The following TMEM178B variants were observed in gnomAD, a reference collection of about 807,000 sequenced individuals.
The protein encoded by TMEM178B is transmembrane protein 178B.
TMEM178B carries 5 observed loss-of-function variants against 31.0 expected under a neutral mutation model. The ratio of observed to expected loss-of-function variants is 0.16; its 90% CI spans 0.08 to 0.34. TMEM178B has a LOEUF of 0.34. TMEM178B is among the 10% of genes least tolerant of loss of function. The pLI, the probability that TMEM178B is intolerant of heterozygous loss-of-function variation, is 1.00. For synonymous variants in TMEM178B, 164 were observed against 164.0 expected, an observed-to-expected ratio of 1.00 and a Z score of 0.00; for missense variants, 275 against 400.3, an observed-to-expected ratio of 0.69 and a Z score of 2.67.
intron 1 of TMEM178B, among the ~76,000 whole-genome samples, chr7:141,089,347 A>G (rs1410082637): frequency 1.3e-5 from 2 of 152,196 alleles, no homozygotes; most frequent in Non-Finnish European, 2.9e-5. Context: ...AGGCTTCCAG[A>G]CAAAGGAAGA....
At chr7:141,480,535 G>T (rs1210024746), downstream of TMEM178B, among the ~76,000 whole-genome samples, 2 of 152,200 alleles carry the variant, frequency 1.3e-5, no homozygotes, top group African/African-American at 4.8e-5. Context: ...GAAGAAAATA[G>T]ATAGCAAACA....
intron 1 of TMEM178B, among the ~76,000 whole-genome samples, chr7:141,142,407 C>A (rs1244010785): frequency 6.9e-6 from 1 of 144,650 alleles, no homozygotes; most frequent in Non-Finnish European, 1.5e-5. Flanking sequence ...TTTTTCTTTT[C>A]TTTCTTTTTT....
At chr7:141,447,307 G>A (rs1055739047) in intron 3 of TMEM178B, among the ~76,000 whole-genome samples, 4 of 152,076 alleles carry the variant, frequency 2.6e-5, no homozygotes, top group Admixed American at 1.3e-4. Flanking sequence ...TTTGAACAGG[G>A]CTTGAATGTA....
chr7:141,343,181 C>T (rs1377151460), intron 2 of TMEM178B, among the ~76,000 whole-genome samples: 1 of 152,208 alleles, frequency 6.6e-6, no homozygotes, highest in African/African-American at 2.4e-5. Context: ...CATCTCTGGA[C>T]CGTGTAGGTC....
intron 2 of TMEM178B, among the ~76,000 whole-genome samples, chr7:141,229,103 GT>G (rs1473849248): frequency 7.8e-6 from 1 of 128,470 alleles, no homozygotes; most frequent in South Asian, 2.7e-4. Context: ...TGTGTGTGGT[GT>G]GTGTGTGTGT....
chr7:141,373,257 G>A (rs1237256384), intron 2 of TMEM178B, among the ~76,000 whole-genome samples: 4 of 152,210 alleles, frequency 2.6e-5, no homozygotes, highest in Admixed American at 2.0e-4. Flanking sequence ...AGAGGCCAGA[G>A]CAAATGGTGA....
intron 1 of TMEM178B, among the ~76,000 whole-genome samples, chr7:141,089,891 G>A (rs1344692741): frequency 6.6e-6 from 1 of 151,994 alleles, no homozygotes; most frequent in Non-Finnish European, 1.5e-5. Flanking sequence ...GATAGCATTA[G>A]GAGATATACC....
chr7:141,384,002 T>C (rs1240181798), intron 2 of TMEM178B, among the ~76,000 whole-genome samples: 4 of 152,248 alleles, frequency 2.6e-5, no homozygotes, highest in Non-Finnish European at 4.4e-5. Context: ...GTCTGTTGGC[T>C]GCATAAATGT....
intron 2 of TMEM178B, among the ~76,000 whole-genome samples, chr7:141,331,270 A>G (rs991475956): frequency 2.0e-5 from 3 of 152,348 alleles, no homozygotes; most frequent in East Asian, 3.9e-4. Context: ...AAATGTAAGT[A>G]GAAAAGAAAA....
chr7:141,395,357 C>T (rs1800619142), intron 2 of TMEM178B, among the ~76,000 whole-genome samples: 1 of 152,220 alleles, frequency 6.6e-6, no homozygotes, highest in Admixed American at 6.5e-5. Flanking sequence ...AGGAAGACCA[C>T]TTGAGCCCAG....
intron 2 of TMEM178B, among the ~76,000 whole-genome samples, chr7:141,222,387 T>C (rs1192317222): frequency 6.6e-6 from 1 of 152,234 alleles, no homozygotes; most frequent in Non-Finnish European, 1.5e-5. Context: ...GTTCCACCTC[T>C]GCCACTGTCT....
chr7:141,149,136 C>T (rs1795911042), intron 1 of TMEM178B, among the ~76,000 whole-genome samples: 1 of 152,100 alleles, frequency 6.6e-6, no homozygotes, highest in South Asian at 2.1e-4. Flanking sequence ...AACAGGGAGA[C>T]TAGTAAAAGA....
chr7:141,159,957 A>T (rs1586801760), intron 1 of TMEM178B, among the ~76,000 whole-genome samples: 1 of 150,224 alleles, frequency 6.7e-6, no homozygotes, highest in African/African-American at 2.4e-5. Flanking sequence ...TTTTAAAAAA[A>T]TTGTTCAATA....
At chr7:141,227,353 T>C (rs920282823) in intron 2 of TMEM178B, among the ~76,000 whole-genome samples, 13 of 152,222 alleles carry the variant, frequency 8.5e-5, no homozygotes, top group African/African-American at 3.1e-4. Flanking sequence ...AGGCATTAGA[T>C]GGAAGAGCAG....
chr7:141,245,170 C>CAAAAAAAAAA lies in TMEM178B; in HGVS notation c.496+32497_496+32506dup, dbSNP rs59281560. On this transcript the variant is annotated intron_variant, in intron 2 of 3. Transcript: ENST00000565468. ...GGGTGACAGAGCAAGACTCCATCAC[C>CAAAAAAAAAA]AAAAAAAAAAAAAAAAAAAAAAAAA... Among the ~76,000 whole-genome samples, 15 of 23,110 alleles carry CAAAAAAAAAA rather than the reference C, an allele frequency of 6.5e-4. 4 individuals carry two copies. The highest frequency in any genetic ancestry group is 1.3e-3 in the African/African-American group (8 of 6,124). 15.2% of individuals were successfully genotyped at this position (23,110 alleles called of 152,430 possible).
At chr7:141,219,623 G>T (rs985930536) in intron 2 of TMEM178B, among the ~76,000 whole-genome samples, 3 of 152,012 alleles carry the variant, frequency 2.0e-5, no homozygotes, top group Non-Finnish European at 4.4e-5. Flanking sequence ...TTGTGTCTCT[G>T]CCCCAACCCG....
intron 1 of TMEM178B, among the ~76,000 whole-genome samples, chr7:141,154,248 C>T (rs916421293): frequency 1.3e-5 from 2 of 152,264 alleles, no homozygotes; most frequent in African/African-American, 2.4e-5. Context: ...GCCAGAATGG[C>T]TTTCTGCCTA....
chr7:141,409,358 T>C (rs1246750174), intron 2 of TMEM178B, among the ~76,000 whole-genome samples: 1 of 152,200 alleles, frequency 6.6e-6, no homozygotes, highest in East Asian at 1.9e-4. Flanking sequence ...AGAGAGCTAT[T>C]GAGTGTCTCA....
At chr7:141,091,346 C>T (rs895074973) in intron 1 of TMEM178B, among the ~76,000 whole-genome samples, 6 of 152,230 alleles carry the variant, frequency 3.9e-5, no homozygotes, top group Middle Eastern at 3.4e-3. Context: ...GGAAAACTGT[C>T]TCTTGTTATA....
Sources: allele counts gnomAD v4.1 joint callset (sites outside exome capture counted in the v4.1 genomes callset), GRCh38; gene constraint gnomAD v4.1.1; transcripts MANE v1.5; gene names NCBI Gene and HGNC (gene_info 2026-07-23, HGNC 2026-07-21).